The following PXDNL variants were observed in gnomAD, a reference collection of about 807,000 sequenced individuals.
The protein encoded by PXDNL is peroxidasin like, also known as probable oxidoreductase PXDNL.
In PXDNL, 145 loss-of-function variants were observed where a neutral mutation model predicts 150.8. The observed-to-expected ratio is 0.96, with a 90% CI of 0.84 to 1.10. The LOEUF (loss-of-function observed/expected upper bound fraction) is 1.10. Among genes scored for constraint, PXDNL ranks in the 50% least tolerant of loss-of-function variants. PXDNL has a pLI of 0.00. For synonymous variants in PXDNL, 757 were observed against 725.7 expected (o/e 1.04, Z -0.69); for missense variants, 2,087 against 1,873.9 (o/e 1.11, Z -2.10).
chr8:51,638,605 G>T (rs953406784), intron 2 of PXDNL, among the ~76,000 whole-genome samples: 1 of 152,032 alleles, frequency 6.6e-6, no homozygotes, highest in African/African-American at 2.4e-5. Flanking sequence ...AGACAAAGAA[G>T]GCCATTACAT....
At chr8:51,617,150 G>A (rs1814146392) in intron 2 of PXDNL, among the ~76,000 whole-genome samples, 1 of 152,090 alleles carries the variant, frequency 6.6e-6, no homozygotes, top group Non-Finnish European at 1.5e-5. Flanking sequence ...AACACAATTC[G>A]CCAATTTGTC....
intron 19 of PXDNL, among the ~76,000 whole-genome samples, chr8:51,353,194 A>G (rs943474496): frequency 6.7e-5 from 10 of 150,096 alleles, no homozygotes; most frequent in African/African-American, 2.4e-4. Context: ...AATACATACT[A>G]GATATTAGAT....
At chr8:51,789,465 T>G (rs2037490883) in intron 1 of PXDNL, among the ~76,000 whole-genome samples, 2 of 152,098 alleles carry the variant, frequency 1.3e-5, no homozygotes, top group Admixed American at 1.3e-4. Flanking sequence ...GGGCAGCTCT[T>G]GGATATAGTC....
At chr8:51,783,770 C>G (rs1214916862) in intron 1 of PXDNL, among the ~76,000 whole-genome samples, 2 of 152,120 alleles carry the variant, frequency 1.3e-5, no homozygotes. Context: ...GGCGTATTAG[C>G]CAGATAGCCA....
At chr8:51,519,191 G>T (rs74665759) in intron 4 of PXDNL, among the ~76,000 whole-genome samples, 3,962 of 152,276 alleles carry the variant, frequency 0.026, 182 homozygotes, top group African/African-American at 0.09. Flanking sequence ...ATCTAGATTG[G>T]ATATGTAGAA....
At chr8:51,769,788 C>A (rs75527521) in intron 1 of PXDNL, among the ~76,000 whole-genome samples, 17,678 of 152,160 alleles carry the variant, frequency 0.12, 1,261 homozygotes, top group East Asian at 0.17. Context: ...TAACTAAACT[C>A]CCACCATCTT....
chr8:51,377,345 GCTGGCAGCC>G (rs369451745), intron 17 of PXDNL, among the ~76,000 whole-genome samples: 7 of 152,188 alleles, frequency 4.6e-5, no homozygotes, highest in Admixed American at 1.3e-4. Flanking sequence ...GTGACAGCGT[GCTGGCAGCC>G]CTGGCAGCCC....
chr8:51,386,863 C>A (rs1285863914), intron 17 of PXDNL, among the ~76,000 whole-genome samples: 1 of 151,838 alleles, frequency 6.6e-6, no homozygotes, highest in Non-Finnish European at 1.5e-5. Context: ...ACATGTCAGC[C>A]AAGTGACAAG....
chr8:51,767,750 T>C (rs1157718128), intron 1 of PXDNL, among the ~76,000 whole-genome samples: 3 of 152,236 alleles, frequency 2.0e-5, no homozygotes, highest in Non-Finnish European at 4.4e-5. Context: ...TTTCGTTTTC[T>C]AGATTTTCCT....
At chr8:51,402,649 A>T (rs981969232) in intron 17 of PXDNL, among the ~76,000 whole-genome samples, 2 of 152,228 alleles carry the variant, frequency 1.3e-5, no homozygotes, top group African/African-American at 4.8e-5. Context: ...TATATTTTCA[A>T]AAGAGGATTC....
intron 2 of PXDNL, among the ~76,000 whole-genome samples, chr8:51,613,424 C>T (rs1450318859): frequency 7.6e-6 from 1 of 132,292 alleles, no homozygotes; most frequent in African/African-American, 2.9e-5. Context: ...AGAAAGTACA[C>T]GTGATCACCC....
Position 51,600,206 on chromosome 8 carries a change from T to C in PXDNL, c.237-7508A>G, listed in dbSNP as rs536297127. On this transcript the variant is annotated intron_variant, in intron 2 of 22. Coordinates refer to ENST00000356297, the MANE Select transcript of PXDNL (RefSeq NM_144651.5). ...TATATAAATTATATCGTTTAGATAA[T>C]AAATTATATCTCATATAAATTATAT... Among the ~76,000 whole-genome samples the C allele has an allele frequency of 7.0e-4, 99 of 141,556 alleles. 5 individuals are homozygous for C. Among genetic ancestry groups the C allele is most frequent in the African/African-American group, 2.5e-3 (97 of 38,408 alleles). The allele number at this position is 141,556 out of a possible 152,430, so 92.9% of individuals were successfully genotyped here. A position where few individuals can be genotyped will look rare whatever the true frequency, so the allele number is the denominator to read the frequency against.
chr8:51,360,132 G>C (rs1806673214), intron 19 of PXDNL, among the ~76,000 whole-genome samples: 1 of 149,972 alleles, frequency 6.7e-6, no homozygotes, highest in Non-Finnish European at 1.5e-5. Context: ...ACTTACTCAT[G>C]TGTATCCCAG....
At chr8:51,419,789 TTGGA>T (rs1808898809) in intron 14 of PXDNL, among the ~76,000 whole-genome samples, 1 of 152,194 alleles carries the variant, frequency 6.6e-6, no homozygotes, top group Admixed American at 6.5e-5. Context: ...TGTGTAGCAT[TTGGA>T]TACAAAATAT....
At chr8:51,372,183 A>T in intron 18 of PXDNL, 102 bp from the exon 19 acceptor site, 1 of 728,360 alleles carries the variant, frequency 1.4e-6, no homozygotes, top group Non-Finnish European at 2.3e-6. Context: ...TCAACATAAA[A>T]GACGCATACT....
rs537652444 is a variant in PXDNL, at chr8:51,570,019, A to G, written c.309-13108T>C. 5.3e-5 allele frequency among the ~76,000 whole-genome samples: 8 copies of G among 152,060 alleles called. No individual in the cohort carries two copies. The South Asian group carries it at 6.2e-4, about 12-fold the overall frequency. ...CTGCAGAGCAGCTTTAGCAGCACCA[A>G]CTTCCTCATTTCTTAGTTACAGTGT... is the stretch of plus-strand genomic sequence containing the variant. On this transcript the variant is annotated intron_variant, in intron 3 of 22. Transcript: ENST00000356297.
rs531544125 is a variant in PXDNL, at chr8:51,718,743, A to G, written c.165-63983T>C. On this transcript the variant is annotated intron_variant, in intron 1 of 22. Transcript: ENST00000356297. ...TTCACAGTCTCCACTGTGACAGCTCATATGCCCCCTGAGGACTGCCTCTTG... is the reference window on the plus strand; with the variant it reads ...TTCACAGTCTCCACTGTGACAGCTCGTATGCCCCCTGAGGACTGCCTCTTG... Among the ~76,000 whole-genome samples, 7 of 152,296 alleles carry G rather than the reference A, an allele frequency of 4.6e-5. No individual in the cohort carries two copies. The East Asian group carries it at 9.7e-4, about 21-fold the overall frequency.
intron 17 of PXDNL, among the ~76,000 whole-genome samples, chr8:51,395,380 C>T (rs59774513): frequency 0.023 from 3,483 of 152,230 alleles, 118 homozygotes; most frequent in African/African-American, 0.08. Context: ...CTTGTGCTGC[C>T]TCTCCCTCAA....
At chr8:51,701,692 T>A (rs749504256) in intron 1 of PXDNL, among the ~76,000 whole-genome samples, 3 of 152,230 alleles carry the variant, frequency 2.0e-5, no homozygotes, top group African/African-American at 4.8e-5. Flanking sequence ...TTTTCCATTA[T>A]AAATTTTTCT....
Sources: gnomAD v4.1 joint callset for allele counts (sites outside exome capture counted in the v4.1 genomes callset) on GRCh38, gnomAD v4.1.1 for gene constraint, MANE v1.5 for transcripts, NCBI Gene and HGNC (gene_info 2026-07-23, HGNC 2026-07-21) for gene names.